Variants in METTL25 observed in about 807,000 individuals in gnomAD.
METTL25 encodes the protein probable methyltransferase-like protein 25.
METTL25 carries 64 observed loss-of-function variants against 71.6 expected under a neutral mutation model. The observed-to-expected ratio is 0.89, with a 90% CI of 0.73 to 1.10. METTL25 has a LOEUF of 1.10. Among genes scored for constraint, METTL25 ranks in the 50% least tolerant of loss-of-function variants. The pLI is 0.00. For synonymous variants in METTL25, 287 were observed against 250.3 expected (o/e 1.15, Z -1.38); for missense variants, 807 against 707.0 (o/e 1.14, Z -1.60).
chr12:82,460,521 T>C (rs1191141072), intron 9 of METTL25, among the ~76,000 whole-genome samples: 1 of 152,210 alleles, frequency 6.6e-6, no homozygotes, highest in Non-Finnish European at 1.5e-5. Flanking sequence ...GTATGTACTC[T>C]TGTTATAAGG....
chr12:82,434,606 T>C, intron 6 of METTL25, 89 bp from the exon 7 acceptor site: 1 of 1,027,396 alleles, frequency 9.7e-7, no homozygotes, highest in Non-Finnish European at 1.5e-6. Flanking sequence ...TCTTTCTAAA[T>C]GTCAGTTTTA....
At chr12:82,476,078 C>CA (rs1031820252) in intron 9 of METTL25, among the ~76,000 whole-genome samples, 32 of 151,938 alleles carry the variant, frequency 2.1e-4, no homozygotes, top group Admixed American at 1.0e-3. Context: ...CTAGCAGGAG[C>CA]AAAAGCACAA....
chr12:82,360,831 T>G (rs1881757745), intron 1 of METTL25, among the ~76,000 whole-genome samples: 1 of 152,212 alleles, frequency 6.6e-6, no homozygotes, highest in South Asian at 2.1e-4. Context: ...ATTATAGTTC[T>G]TAAAGGCGGC....
intron 1 of METTL25, among the ~76,000 whole-genome samples, chr12:82,382,470 C>T (rs1425971690): frequency 6.6e-6 from 1 of 152,174 alleles, no homozygotes; most frequent in Non-Finnish European, 1.5e-5. Flanking sequence ...TCAGTGATTG[C>T]TATTACCATG....
chr12:82,448,647 T>G (rs1479424893), intron 8 of METTL25, among the ~76,000 whole-genome samples: 1 of 152,130 alleles, frequency 6.6e-6, no homozygotes, highest in Non-Finnish European at 1.5e-5. Flanking sequence ...ATTGTGATTT[T>G]GTTATAATCA....
Position 82,477,296 on chromosome 12 carries a change from G to A in METTL25, c.1663G>A (p.Ala555Thr). The A allele has an allele frequency of 1.3e-6, 2 of 1,551,026 alleles. No individual in the cohort carries two copies. Among genetic ancestry groups the A allele is most frequent in the South Asian group, 1.2e-5 (1 of 80,562 alleles). ...TTTATTTTAGTTGAAAGTTGTACTG[G>A]CTCCCTGTATAGAGACTTTGATTCT... The part of the protein sequence containing the change: ...EAFNMLKVVL[A>T]PCIETLILLD... Residue 555 changes from alanine (A) to threonine (T), a missense_variant, in exon 11 of 12, where the codon GCT becomes ACT. Transcript: ENST00000248306.
At chr12:82,408,492 AT>A (rs1309951220) in intron 5 of METTL25, among the ~76,000 whole-genome samples, 14 of 152,096 alleles carry the variant, frequency 9.2e-5, no homozygotes, top group African/African-American at 3.4e-4. Flanking sequence ...AGCTAAACAA[AT>A]TCAAGGAGAA....
intron 8 of METTL25, among the ~76,000 whole-genome samples, chr12:82,452,133 G>A (rs1369545473): frequency 6.6e-6 from 1 of 151,946 alleles, no homozygotes; most frequent in Non-Finnish European, 1.5e-5. Context: ...AACATTATTG[G>A]ACCAAAATGC....
chr12:82,358,643 C>A lies in METTL25; in HGVS notation c.78C>A (p.Phe26Leu), dbSNP rs954150952. 3 of 1,614,136 alleles carry A rather than the reference C, an allele frequency of 1.9e-6. No individual in the cohort carries two copies. The highest frequency in any genetic ancestry group is 2.5e-6 in the Non-Finnish European group (3 of 1,180,040). The stretch of plus-strand genomic sequence containing the variant: ...CCAAGTTGCAGGGACTGCTGCAGTT[C>A]CTGAGGGATGCCCTGTCCATTTCCA... ...LRAKLQGLLQ[F>L]LRDALSISNA... is the part of the protein sequence containing the mutation. Residue 26 changes from phenylalanine (F) to leucine (L), a missense_variant, in exon 1 of 12, where the codon TTC becomes TTA. Coordinates refer to ENST00000248306, the MANE Select transcript of METTL25 (RefSeq NM_032230.3).
At chr12:82,431,207 AAATAT>A (rs1193371400) in intron 6 of METTL25, among the ~76,000 whole-genome samples, 1 of 151,294 alleles carries the variant, frequency 6.6e-6, no homozygotes, top group Non-Finnish European at 1.5e-5. Context: ...TTATTAAATA[AAATAT>A]AATGTAAAGT....
intron 5 of METTL25, among the ~76,000 whole-genome samples, chr12:82,414,910 G>A (rs1887847279): frequency 6.6e-6 from 1 of 152,094 alleles, no homozygotes; most frequent in African/African-American, 2.4e-5. Context: ...CTGACACAAT[G>A]TGTGAAATTT....
chr12:82,431,112 T>C (rs73153530), intron 6 of METTL25, 125 bp downstream of exon 6: 5 of 480,894 alleles, frequency 1.0e-5, no homozygotes, highest in Non-Finnish European at 1.9e-5. Context: ...TTTTGTGCAT[T>C]GGAAATTATA....
chr12:82,360,520 A>G (rs12304607), intron 1 of METTL25, among the ~76,000 whole-genome samples: 2,028 of 151,802 alleles, frequency 0.013, 46 homozygotes, highest in African/African-American at 0.046. Context: ...GAAGAAGAGG[A>G]AAATGTTTGC....
intron 3 of METTL25, among the ~76,000 whole-genome samples, chr12:82,397,795 GTTTATT>G (rs1298774615): frequency 1.3e-5 from 2 of 151,826 alleles, no homozygotes; most frequent in Non-Finnish European, 2.9e-5. Flanking sequence ...TGATTTATAT[GTTTATT>G]TTTATATCAG....
chr12:82,390,544 C>G (rs1885475709), intron 3 of METTL25, among the ~76,000 whole-genome samples: 1 of 151,944 alleles, frequency 6.6e-6, no homozygotes, highest in Admixed American at 6.6e-5. Flanking sequence ...TTTCTTATCT[C>G]TAGAAGAAGA....
chr12:82,390,031 AT>A, intron 3 of METTL25, 109 bp downstream of exon 3: 1 of 658,004 alleles, frequency 1.5e-6, no homozygotes, highest in Admixed American at 2.6e-5. Context: ...TCATTAAATA[AT>A]AGCATCATTT....
intron 9 of METTL25, among the ~76,000 whole-genome samples, chr12:82,466,977 A>G (rs533904148): frequency 8.7e-4 from 132 of 152,078 alleles, no homozygotes; most frequent in South Asian, 2.9e-3. Context: ...CTGGAGAGCC[A>G]TGGCATGATC....
At chr12:82,408,644 A>C (rs1421881128) in intron 5 of METTL25, among the ~76,000 whole-genome samples, 1 of 150,392 alleles carries the variant, frequency 6.6e-6, no homozygotes, top group Non-Finnish European at 1.5e-5. Context: ...ACAGTGGCAA[A>C]CAGAGTTGGT....
Position 82,389,860 on chromosome 12 carries a change from C to A in METTL25, c.469C>A (p.His157Asn). ...AVEFMNMKKS[H>N]EVQAMSELIS... ...TGAGTTTATGAATATGAAGAAATCT[C>A]ATGAAGTTCAGGCAATGTCAGAGCT... Residue 157 changes from histidine to asparagine, a missense_variant, in exon 3 of 12, where the codon CAT becomes AAT. His to Asn is a moderately conservative substitution (Grantham distance 68, BLOSUM62 1). Transcript: ENST00000248306. 2 of 1,604,788 alleles carry A rather than the reference C, an allele frequency of 1.2e-6. No homozygotes were observed. Among genetic ancestry groups the A allele is most frequent in the South Asian group, 2.2e-5 (2 of 89,994 alleles).
Sources: gnomAD v4.1 joint callset for allele counts (sites outside exome capture counted in the v4.1 genomes callset) on GRCh38, gnomAD v4.1.1 for gene constraint, MANE v1.5 for transcripts, NCBI Gene and HGNC (gene_info 2026-07-23, HGNC 2026-07-21) for gene names.